Variants in DHRS12 observed in about 807,000 individuals in gnomAD.
DHRS12 encodes the protein dehydrogenase/reductase 12, also known as dehydrogenase/reductase SDR family member 12.
In DHRS12, 29 loss-of-function variants were observed where a neutral mutation model predicts 32.1. The ratio of observed to expected loss-of-function variants is 0.90; its 90% CI spans 0.67 to 1.23. The LOEUF (loss-of-function observed/expected upper bound fraction) is 1.23, where lower values mean the gene tolerates loss of function less well. DHRS12 is among the 50% of genes most tolerant of loss of function. DHRS12 has a pLI of 0.00. For synonymous variants in DHRS12, 150 were observed against 135.9 expected (o/e 1.10, Z -0.72); for missense variants, 330 against 337.2 (o/e 0.98, Z 0.17).
At chr13:51,791,047 G>C in intron 3 of DHRS12, 118 bp downstream of exon 3, 1 of 614,974 alleles carries the variant, frequency 1.6e-6, no homozygotes, top group Non-Finnish European at 2.7e-6. Context: ...CCAAGCATAA[G>C]AGAGTCTTAC....
intron 1 of DHRS12, among the ~76,000 whole-genome samples, chr13:51,801,067 A>G (rs182438714): frequency 1.9e-3 from 284 of 152,314 alleles, no homozygotes; most frequent in East Asian, 3.9e-3. Flanking sequence ...CTGAGCTCTT[A>G]TCTCCTCATC....
chr13:51,757,044 A>G, the DHRS12 span, among the ~76,000 whole-genome samples: 1 of 152,212 alleles, frequency 6.6e-6, no homozygotes, highest in East Asian at 1.9e-4. Context: ...AGCTGCCCCC[A>G]GATGTAAACA....
At chr13:51,785,218 ACT>A (rs1420339407) in intron 4 of DHRS12, among the ~76,000 whole-genome samples, 1 of 151,964 alleles carries the variant, frequency 6.6e-6, no homozygotes, top group Non-Finnish European at 1.5e-5. Context: ...ACAGAGCGAG[ACT>A]CTGTCTCAAA....
Position 51,768,079 on chromosome 13 carries a change from C to G in DHRS12, c.*108G>C, listed in dbSNP as rs920275600. ...TTGTAGGCCTCGCTGTGAGGCACAA[C>G]GTCTTCGAGGGGAAGTTGAAGTGGG... On this transcript the variant is annotated 3_prime_UTR_variant, in exon 9 of 9. Coordinates refer to ENST00000444610, the MANE Select transcript of DHRS12 (RefSeq NM_001377533.1). The G allele has an allele frequency of 6.7e-7, 1 of 1,486,378 alleles. No individual in the cohort carries two copies. Among genetic ancestry groups the G allele is most frequent in the Non-Finnish European group, 8.9e-7 (1 of 1,122,662 alleles). 92.1% of individuals were successfully genotyped at this position (1,486,378 alleles called of 1,614,324 possible).
chr13:51,785,383 T>C (rs1593539095), intron 4 of DHRS12, among the ~76,000 whole-genome samples: 1 of 152,182 alleles, frequency 6.6e-6, no homozygotes, highest in African/African-American at 2.4e-5. Flanking sequence ...TATTGTTCAA[T>C]ATTCATTCTC....
At chr13:51,759,648 A>G in the DHRS12 span, 6 of 1,262,466 alleles carry the variant, frequency 4.8e-6, no homozygotes, top group Non-Finnish European at 6.8e-6. Context: ...GGTTTGTTAA[A>G]TGAAAAAAAT....
intron 1 of DHRS12, among the ~76,000 whole-genome samples, chr13:51,799,957 G>GA (rs1461578601): frequency 2.0e-4 from 30 of 151,882 alleles, no homozygotes; most frequent in African/African-American, 2.2e-4. Context: ...GTGGCAAAAA[G>GA]AAAAAAAATC....
At chr13:51,788,092 C>G (rs77831760) in intron 4 of DHRS12, among the ~76,000 whole-genome samples, 3,470 of 151,082 alleles carry the variant, frequency 0.023, 142 homozygotes, top group African/African-American at 0.081. Flanking sequence ...TTGGAAGGAC[C>G]CTGCACCTGG....
intron 7 of DHRS12, among the ~76,000 whole-genome samples, chr13:51,770,505 C>G (rs1953960961): frequency 1.3e-5 from 2 of 152,220 alleles, no homozygotes. Flanking sequence ...AGAATTCACC[C>G]TGGACAGGCA....
Position 51,804,153 on chromosome 13 carries a change from G to T in DHRS12, c.-108C>A. ...CTAGCCCCACCGCGCTCCCGGCGCG[G>T]CCTCCGCCCTGGTCCCGCCCCCCGG... On this transcript the variant is annotated 5_prime_UTR_variant, in exon 1 of 9. Coordinates refer to ENST00000444610, the MANE Select transcript of DHRS12 (RefSeq NM_001377533.1). 7.0e-7 allele frequency: 1 copy of T among 1,434,544 alleles called. No individual in the cohort carries two copies. Among genetic ancestry groups the T allele is most frequent in the Non-Finnish European group, 9.1e-7 (1 of 1,097,426 alleles). The allele number at this position is 1,434,544 out of a possible 1,614,324, so 88.9% of individuals were successfully genotyped here. A position where few individuals can be genotyped will look rare whatever the true frequency, so the allele number is the denominator to read the frequency against.
Position 51,799,520 on chromosome 13 carries a change from T to A in DHRS12, c.126+14A>T, listed in dbSNP as rs748829987. The A allele has an allele frequency of 6.8e-6, 11 of 1,612,684 alleles. No individual in the cohort carries two copies. The South Asian group carries it at 1.2e-4, about 18-fold the overall frequency. On this transcript the variant is annotated intron_variant, in intron 2 of 8. Transcript: ENST00000444610. Reference sequence around the variant, plus strand: ...CGTGGGGCTCAGTGGACACACGTGTTAGCAGCTGCTTACCTCGCTTGGCGA... The same window carrying A: ...CGTGGGGCTCAGTGGACACACGTGTAAGCAGCTGCTTACCTCGCTTGGCGA...
intron 4 of DHRS12, chr13:51,789,582 GA>G: frequency 3.0e-6 from 3 of 985,424 alleles, no homozygotes; most frequent in Non-Finnish European, 3.6e-6. Context: ...TGCTATTACA[GA>G]GTAGCAACCA....
intron 4 of DHRS12, among the ~76,000 whole-genome samples, chr13:51,783,440 C>T (rs1399681835): frequency 2.6e-5 from 4 of 152,144 alleles, no homozygotes; most frequent in African/African-American, 4.8e-5. Context: ...CTGAAAGTTA[C>T]AATGCTTTCT....
chr13:51,773,701 A>G (rs1344741342), intron 6 of DHRS12, among the ~76,000 whole-genome samples: 5 of 151,992 alleles, frequency 3.3e-5, no homozygotes, highest in African/African-American at 4.8e-5. Flanking sequence ...AAACACCGAG[A>G]GGAGACGCAG....
chr13:51,759,067 G>C, the DHRS12 span, among the ~76,000 whole-genome samples: 40 of 152,262 alleles, frequency 2.6e-4, no homozygotes, highest in African/African-American at 9.4e-4. Flanking sequence ...CTGTAGTCCA[G>C]CTACTTGGGA....
intron 4 of DHRS12, among the ~76,000 whole-genome samples, chr13:51,779,977 GA>G (rs1448770273): frequency 5.3e-5 from 8 of 152,174 alleles, no homozygotes; most frequent in South Asian, 4.1e-4. Flanking sequence ...AGGAGTTCAA[GA>G]CCAGCCTGGC....
At chr13:51,768,545 G>C in intron 8 of DHRS12, 1 of 1,366,560 alleles carries the variant, frequency 7.3e-7, no homozygotes, top group Non-Finnish European at 9.4e-7. Context: ...GTGATCAGCA[G>C]GAAGGGGTGC....
chr13:51,777,004 C>CT lies in DHRS12; in HGVS notation c.363+55dup. ...CAGGCAGCAAACCTAGGCCCACTGACTTCCCATCAGGAGCAAAGTCCATTA... is the reference window on the plus strand; with the variant it reads ...CAGGCAGCAAACCTAGGCCCACTGACTTTCCCATCAGGAGCAAAGTCCATTA... On this transcript the variant is annotated intron_variant, in intron 5 of 8. Transcript: ENST00000444610. 2.5e-6 allele frequency: 4 copies of CT among 1,608,658 alleles called. 1 individual carries two copies. In the African/African-American group the frequency reaches 4.0e-5, roughly 16 times the overall value.
chr13:51,774,294 AT>A lies in DHRS12; in HGVS notation c.364-261del, dbSNP rs750778075. ...GTATTCTCCTACAGTATTCTCCTAC[AT>A]GTATTCTCCTACAGTATTCTCCTAC... is the stretch of plus-strand genomic sequence containing the variant. On this transcript the variant is annotated intron_variant, in intron 5 of 8. Coordinates refer to ENST00000444610, the MANE Select transcript of DHRS12 (RefSeq NM_001377533.1). 5.2e-5 allele frequency: 7 copies of A among 133,514 alleles called. No individual in the cohort carries two copies. The East Asian group carries it at 1.1e-3, about 20-fold the overall frequency. The allele number at this position is 133,514 out of a possible 1,614,324, so 8.3% of individuals were successfully genotyped here. A position where few individuals can be genotyped will look rare whatever the true frequency, so the allele number is the denominator to read the frequency against.
Sources: allele counts gnomAD v4.1 joint callset (sites outside exome capture counted in the v4.1 genomes callset), GRCh38; gene constraint gnomAD v4.1.1; transcripts MANE v1.5; gene names NCBI Gene and HGNC (gene_info 2026-07-23, HGNC 2026-07-21).